The following GZMB variants were observed in gnomAD, a reference collection of about 807,000 sequenced individuals.
GZMB encodes T-cell serine protease 1-3E.
A neutral mutation model predicts 24.2 loss-of-function variants in GZMB; 27 were observed. The ratio of observed to expected loss-of-function variants is 1.12; its 90% CI spans 0.82 to 1.54. GZMB has a LOEUF of 1.54. Among genes scored for constraint, GZMB ranks in the 40% most tolerant of loss-of-function variants. GZMB has a pLI of 0.00. For synonymous variants in GZMB, 121 were observed against 115.1 expected, an observed-to-expected ratio of 1.05 and a Z score of -0.33; for missense variants, 336 against 310.1, an observed-to-expected ratio of 1.08 and a Z score of -0.63.
chr14:24,632,884 A>G, intron 2 of GZMB, 31 bp downstream of exon 2: 1 of 1,600,766 alleles, frequency 6.2e-7, no homozygotes, highest in Non-Finnish European at 8.5e-7. Flanking sequence ...GAGTGTTTCC[A>G]GGAGGGTGTG....
At chr14:24,631,396 C>T (rs553616771) in intron 4 of GZMB, 182 bp from the exon 5 acceptor site, 4 of 588,310 alleles carry the variant, frequency 6.8e-6, no homozygotes, top group African/African-American at 5.6e-5. Context: ...GTTACTGCTT[C>T]ACCTCATCCC....
rs2236338 is a variant in GZMB at position 24,631,076 on chromosome 14, A to G, written c.739T>C (p.Tyr247His). Residue 247 changes from tyrosine to histidine, a missense_variant, in exon 5 of 5, where the codon TAC (tyrosine) becomes CAC (histidine). Transcript: ENST00000216341. ...VHWIKKTMKR[Y>H] is the part of the protein sequence containing the mutation. ...GCTTAGTTTGCTTCCTGTAGTTAGT[A>G]GCGTTTCATGGTTTTCTTTATCCAG... 0.24 allele frequency: 380,626 copies of G among 1,609,608 alleles called. 46,605 individuals carry two copies. Among genetic ancestry groups the G allele is most frequent in the African/African-American group, 0.33 (24,547 of 74,780 alleles).
chr14:24,631,424 A>G (rs2066993819), intron 4 of GZMB: 2 of 576,306 alleles, frequency 3.5e-6, no homozygotes, highest in Non-Finnish European at 6.2e-6. Flanking sequence ...AGCCTCCGTC[A>G]TGTCCCCCAG....
intron 4 of GZMB, chr14:24,631,536 T>C: frequency 3.7e-6 from 2 of 543,184 alleles, no homozygotes; most frequent in East Asian, 6.2e-5. Context: ...ATTAACCACG[T>C]TGGGTACCAG....
At position 24,632,851 on chromosome 14, in the gene GZMB, G is replaced by A. The variant is rs776652089; in HGVS notation, c.203+64C>T. 1.6e-4 allele frequency: 240 copies of A among 1,527,574 alleles called. No homozygotes were observed. The African/African-American group carries it at 1.9e-3, about 12-fold the overall frequency. 94.6% of individuals were successfully genotyped at this position (1,527,574 alleles called of 1,614,324 possible). A position where few individuals can be genotyped will look rare whatever the true frequency, so the allele number is the denominator to read the frequency against. On this transcript the variant is annotated intron_variant, in intron 2 of 4. Coordinates refer to ENST00000216341, the MANE Select transcript of GZMB (RefSeq NM_004131.6). The stretch of plus-strand genomic sequence containing the variant: ...TCACAGGAGCCCAGGGAGCTCCTTG[G>A]GAAGAAGGCAGGGGTCTCTGTGGAG...
At position 24,634,135 on chromosome 14, in the gene GZMB, G is replaced by A. The variant is rs1415149632; in HGVS notation, c.26C>T (p.Ala9Val). The A allele has an allele frequency of 1.3e-6, 2 of 1,594,652 alleles. No homozygotes were observed. Among genetic ancestry groups the A allele is most frequent in the South Asian group, 2.3e-5 (2 of 86,820 alleles). MQPILLLL[A>V]FLLLPRADAG... ...ATCTGCCCTGGGCAGCAGGAGGAAG[G>A]CCAGCAGAAGCAGGATTGGTTGCAT... is the stretch of plus-strand genomic sequence containing the variant. Residue 9 changes from alanine (A) to valine (V), a missense_variant, in exon 1 of 5, where the codon GCC becomes GTC. Coordinates refer to ENST00000216341, the MANE Select transcript of GZMB (RefSeq NM_004131.6).
intron 2 of GZMB, 99 bp downstream of exon 2, chr14:24,632,816 G>T: frequency 8.2e-7 from 1 of 1,220,184 alleles, no homozygotes. Context: ...AGACCTCCTG[G>T]CATGTGTGTT....
At chr14:24,631,269 C>G in intron 4 of GZMB, 55 bp from the exon 5 acceptor site, 1 of 1,524,440 alleles carries the variant, frequency 6.6e-7, no homozygotes, top group Non-Finnish European at 9.0e-7. Flanking sequence ...CCTGCCCTCT[C>G]TTCCATCTCA....
intron 1 of GZMB, 105 bp from the exon 2 acceptor site, chr14:24,633,167 T>A: frequency 6.7e-7 from 1 of 1,489,290 alleles, no homozygotes; most frequent in Non-Finnish European, 8.9e-7. Context: ...TGGGATAGCC[T>A]GGAGTTGGGA....
At chr14:24,633,703 C>T (rs2067018172) in intron 1 of GZMB, among the ~76,000 whole-genome samples, 1 of 152,180 alleles carries the variant, frequency 6.6e-6, no homozygotes, top group African/African-American at 2.4e-5. Context: ...GTGATTGTAC[C>T]AATTCTGCTG....
rs199546734 is a variant in GZMB, at chr14:24,633,002, A to G, written c.116T>C (p.Met39Thr). The change falls in exon 2 of 5, where the codon ATG (methionine) becomes ACG (threonine). Residue 39 changes from methionine to threonine, a missense_variant. By Grantham distance (81) the Met-to-Thr change is moderately conservative. Transcript: ENST00000216341. ...CTTCAGAGACTTCTGATCCCAGATC[A>G]TAAGATAAGCCATGTAGGGGCGGGA... ...PHSRPYMAYL[M>T]IWDQKSLKRC... 2.5e-6 allele frequency: 4 copies of G among 1,614,026 alleles called. No homozygotes were observed. The highest frequency in any genetic ancestry group is 4.5e-5 in the East Asian group (2 of 44,858).
Position 24,631,107 on chromosome 14 carries a change from A to G in GZMB, c.708T>C (p.Phe236=). Residue 236 remains phenylalanine, a synonymous_variant, in exon 5 of 5, where the codon TTT becomes TTC. Coordinates refer to ENST00000216341, the MANE Select transcript of GZMB (RefSeq NM_004131.6). ...TCATGGTTTTCTTTATCCAGTGTAC[A>G]AAGCTTGAGACTTTGGTGCAGGCTC... ...PPRACTKVSS[F]VHWIKKTMKR... is the part of the protein sequence containing the mutation. 4 of 1,613,778 alleles carry G rather than the reference A, an allele frequency of 2.5e-6. No homozygotes were observed. Among genetic ancestry groups the G allele is most frequent in the Non-Finnish European group, 3.4e-6 (4 of 1,179,652 alleles).
chr14:24,634,085 A>C (rs917696536), intron 1 of GZMB, 21 bp downstream of exon 1: 1 of 1,583,226 alleles, frequency 6.3e-7, no homozygotes. Flanking sequence ...TGGGCCCCCG[A>C]GGGTGGAGAC....
At chr14:24,631,568 A>G (rs1005173406) in intron 4 of GZMB, 2 of 555,582 alleles carry the variant, frequency 3.6e-6, no homozygotes, top group Non-Finnish European at 6.4e-6. Context: ...ACACCTGGTT[A>G]TAATTACTGC....
chr14:24,632,714 G>A (rs758583485), intron 2 of GZMB: 332 of 801,096 alleles, frequency 4.1e-4, no homozygotes, highest in Non-Finnish European at 6.5e-4. Context: ...GGCAGGCTTG[G>A]TCACTCTGCT....
At chr14:24,632,594 G>C in intron 2 of GZMB, 135 bp from the exon 3 acceptor site, 1 of 1,393,074 alleles carries the variant, frequency 7.2e-7, no homozygotes, top group Non-Finnish European at 1.0e-6. Flanking sequence ...CCAGGAATTG[G>C]AATTCTGGTA....
rs909187048 is a variant in GZMB at position 24,631,034 on chromosome 14, G to A, written c.*37C>T. 2 of 1,548,948 alleles carry A rather than the reference G, an allele frequency of 1.3e-6. No individual in the cohort carries two copies. Among genetic ancestry groups the A allele is most frequent in the East Asian group, 4.5e-5 (2 of 44,496 alleles). On this transcript the variant is annotated 3_prime_UTR_variant, in exon 5 of 5. Coordinates refer to ENST00000216341, the MANE Select transcript of GZMB (RefSeq NM_004131.6). ...ATCTGGACTTGGCTCCAGAGAAGGT[G>A]TTTCATTACAGCGGGGGCTTAGTTT...
chr14:24,632,693 G>C, intron 2 of GZMB: 1 of 817,310 alleles, frequency 1.2e-6, no homozygotes, highest in East Asian at 2.6e-5. Flanking sequence ...TATGCCCCCA[G>C]TTCTAAATAT....
At chr14:24,633,997 A>T in intron 1 of GZMB, 109 bp downstream of exon 1, 1 of 969,344 alleles carries the variant, frequency 1.0e-6, no homozygotes, top group Non-Finnish European at 1.6e-6. Flanking sequence ...GTAGAATGGG[A>T]GCTGGAGTTC....
Sources: gnomAD v4.1 joint callset for allele counts (sites outside exome capture counted in the v4.1 genomes callset) on GRCh38, gnomAD v4.1.1 for gene constraint, MANE v1.5 for transcripts, NCBI Gene and HGNC (gene_info 2026-07-23, HGNC 2026-07-21) for gene names.